The following KIT variants were observed in gnomAD, a reference collection of about 807,000 sequenced individuals.
KIT encodes mast/stem cell growth factor receptor Kit.
A neutral mutation model predicts 105.7 loss-of-function variants in KIT; 16 were observed. The observed-to-expected ratio is 0.15, with a 90% CI of 0.10 to 0.23. KIT has a LOEUF of 0.23. Among genes scored for constraint, KIT ranks in the 10% least tolerant of loss-of-function variants. The pLI, the probability that KIT is intolerant of heterozygous loss-of-function variation, is 1.00. For synonymous variants in KIT, 438 were observed against 441.1 expected, an observed-to-expected ratio of 0.99 and a Z score of 0.09; for missense variants, 858 against 1,213.8, an observed-to-expected ratio of 0.71 and a Z score of 4.36.
intron 1 of KIT, among the ~76,000 whole-genome samples, chr4:54,695,016 G>A (rs1350936700): frequency 3.3e-5 from 5 of 152,206 alleles, no homozygotes; most frequent in Non-Finnish European, 5.9e-5. Context: ...ACATTGCCAT[G>A]TAAAGAGAGT....
rs2109779829 is a variant in KIT at position 54,727,878 on chromosome 4, C to T, written c.1830C>T (p.Gly610=). 1.2e-6 allele frequency: 2 copies of T among 1,613,972 alleles called. No homozygotes were observed. The highest frequency in any genetic ancestry group is 2.2e-5 in the East Asian group (1 of 44,882). The change falls in exon 12 of 21, where the codon GGC becomes GGT. Residue 610 remains glycine (G), a synonymous_variant. Coordinates refer to ENST00000288135, the MANE Select transcript of KIT (RefSeq NM_000222.3). ...FGKVVEATAY[G]LIKSDAAMTV... The stretch of plus-strand genomic sequence containing the variant: ...AGGTTGTTGAGGCAACTGCTTATGG[C>T]TTAATTAAGTCAGATGCGGCCATGA...
rs754233899 is a variant in KIT at position 54,725,941 on chromosome 4, T to C, written c.1431T>C (p.Ser477=). 5.0e-6 allele frequency: 8 copies of C among 1,614,048 alleles called. No homozygotes were observed. In the South Asian group the frequency reaches 8.8e-5, roughly 18 times the overall value. ...PPFGKLVVQS[S]IDSSAFKHNG... ...TTGGAAAGCTAGTGGTTCAGAGTTCTATAGATTCTAGTGCATTCAAGCACA... is the reference window on the plus strand; with the variant it reads ...TTGGAAAGCTAGTGGTTCAGAGTTCCATAGATTCTAGTGCATTCAAGCACA... The change falls in exon 9 of 21, where the codon TCT becomes TCC. Residue 477 remains serine (S), a synonymous_variant. Transcript: ENST00000288135.
chr4:54,709,054 A>G (rs929651682), intron 6 of KIT, among the ~76,000 whole-genome samples: 5 of 151,542 alleles, frequency 3.3e-5, no homozygotes, highest in African/African-American at 1.2e-4. Flanking sequence ...TGAGTTCAGG[A>G]CACTGTGGAG....
chr4:54,675,831 C>T (rs192397152), intron 1 of KIT, among the ~76,000 whole-genome samples: 2 of 152,118 alleles, frequency 1.3e-5, no homozygotes, highest in Admixed American at 6.6e-5. Flanking sequence ...ATGTGGGCTC[C>T]GGGCTCTCAG....
intron 1 of KIT, among the ~76,000 whole-genome samples, chr4:54,681,448 G>T (rs904865633): frequency 1.1e-4 from 17 of 152,200 alleles, no homozygotes; most frequent in African/African-American, 3.6e-4. Flanking sequence ...GCAGAGAAAG[G>T]TTTCCTCTTA....
At chr4:54,698,219 T>TAA (rs1331821102) in intron 2 of KIT, 65 bp from the exon 3 acceptor site, 2 of 1,506,428 alleles carry the variant, frequency 1.3e-6, no homozygotes, top group African/African-American at 2.7e-5. Flanking sequence ...TTAGATCTTT[T>TAA]AAAAAGTGTT....
chr4:54,694,521 G>A (rs1308403687), intron 1 of KIT, among the ~76,000 whole-genome samples: 1 of 151,956 alleles, frequency 6.6e-6, no homozygotes, highest in Non-Finnish European at 1.5e-5. Context: ...CCACTACCAT[G>A]CCCAGCTAAT....
At chr4:54,660,552 C>T (rs1255178735) in intron 1 of KIT, among the ~76,000 whole-genome samples, 2 of 152,122 alleles carry the variant, frequency 1.3e-5, no homozygotes, top group Non-Finnish European at 2.9e-5. Flanking sequence ...TTATAGCATG[C>T]TTTCTAATGG....
intron 1 of KIT, among the ~76,000 whole-genome samples, chr4:54,671,122 C>T (rs1261949737): frequency 2.0e-5 from 3 of 152,154 alleles, no homozygotes; most frequent in East Asian, 3.8e-4. Context: ...TGACTTCATC[C>T]GGCTTTTTGC....
Position 54,707,087 on chromosome 4 carries a change from A to G in KIT, c.926-11A>G. ...TAATGGTTTCTTTCTGTCTTATTTC[A>G]TTCTAATTAGATAAAGGATTCATTA... On this transcript the variant is annotated splice_polypyrimidine_tract_variant and intron_variant, in intron 5 of 20. Coordinates refer to ENST00000288135, the MANE Select transcript of KIT (RefSeq NM_000222.3). The G allele has an allele frequency of 7.0e-7, 1 of 1,427,400 alleles. No individual in the cohort carries two copies. The highest frequency in any genetic ancestry group is 9.9e-7 in the Non-Finnish European group (1 of 1,012,220). 88.4% of individuals were successfully genotyped at this position (1,427,400 alleles called of 1,614,324 possible). A position where few individuals can be genotyped will look rare whatever the true frequency, so the allele number is the denominator to read the frequency against.
intron 1 of KIT, among the ~76,000 whole-genome samples, chr4:54,687,768 C>T (rs1214739158): frequency 1.3e-5 from 2 of 152,150 alleles, no homozygotes; most frequent in East Asian, 3.9e-4. Context: ...GAAACACATA[C>T]ACGTGCAAAC....
intron 13 of KIT, among the ~76,000 whole-genome samples, chr4:54,728,465 T>C (rs1391151930): frequency 6.6e-6 from 1 of 152,158 alleles, no homozygotes; most frequent in East Asian, 1.9e-4. Flanking sequence ...GGGTTAATAT[T>C]AATTTGCATA....
intron 1 of KIT, among the ~76,000 whole-genome samples, chr4:54,662,487 G>A (rs2237034): frequency 3.3e-5 from 5 of 152,010 alleles, no homozygotes; most frequent in South Asian, 4.1e-4. Flanking sequence ...CATAATTATC[G>A]TCTGTAAAAC....
rs1212048701 is a variant in KIT at position 54,709,404 on chromosome 4, T to A, written c.1116-20T>A. 2.1e-6 allele frequency: 3 copies of A among 1,430,510 alleles called. No homozygotes were observed. The highest frequency in any genetic ancestry group is 3.0e-6 in the Non-Finnish European group (3 of 1,012,428). The allele number at this position is 1,430,510 out of a possible 1,614,324, so 88.6% of individuals were successfully genotyped here. ...GGCATGCTATCCACAGGTGATTGACTAGTTGTCTTTTCTTTGTAGATACGT... is the reference window on the plus strand; with the variant it reads ...GGCATGCTATCCACAGGTGATTGACAAGTTGTCTTTTCTTTGTAGATACGT... On this transcript the variant is annotated intron_variant, in intron 6 of 20. Transcript: ENST00000288135.
chr4:54,695,467 C>A lies in KIT; in HGVS notation c.68-45C>A, dbSNP rs555716968. ...TATTGGAAGAAGTGCTTTATTTCGC[C>A]AAGGAAGAAGATCATACTCAACACG... On this transcript the variant is annotated intron_variant, in intron 1 of 20. Transcript: ENST00000288135. 3 of 1,610,128 alleles carry A rather than the reference C, an allele frequency of 1.9e-6. No individual in the cohort carries two copies. The South Asian group carries it at 3.3e-5, about 18-fold the overall frequency.
At chr4:54,732,176 T>C (rs1039094306) in intron 16 of KIT, among the ~76,000 whole-genome samples, 178 bp downstream of exon 16, 1 of 151,788 alleles carries the variant, frequency 6.6e-6, no homozygotes, top group African/African-American at 2.4e-5. Context: ...AACTGCTGTC[T>C]CTTTGGAATT....
chr4:54,711,669 C>T (rs1721169342), intron 7 of KIT, among the ~76,000 whole-genome samples: 1 of 62,970 alleles, frequency 1.6e-5, no homozygotes, highest in South Asian at 5.9e-4. Flanking sequence ...CGCCTGTAAT[C>T]CCAGCACTTT....
rs145003689 is a variant in KIT at position 54,715,299 on chromosome 4, G to A, written c.1231+5760G>A. Among the ~76,000 whole-genome samples the A allele has an allele frequency of 4.0e-3, 596 of 149,308 alleles. 8 individuals carry two copies. The highest frequency in any genetic ancestry group is 0.014 in the African/African-American group (567 of 40,686). On this transcript the variant is annotated intron_variant, in intron 7 of 20. Transcript: ENST00000288135. ...GAAGCTCCTGCAGATAAAGCACATA[G>A]CCATCTAGCTTTTGGCCAGCCAACC... is the stretch of plus-strand genomic sequence containing the variant.
chr4:54,678,480 G>A (rs945882076), intron 1 of KIT, among the ~76,000 whole-genome samples: 1 of 151,156 alleles, frequency 6.6e-6, no homozygotes, highest in South Asian at 2.1e-4. Flanking sequence ...AGTAACAACA[G>A]GACCATTTTA....
Sources: allele counts gnomAD v4.1 joint callset (sites outside exome capture counted in the v4.1 genomes callset), GRCh38; gene constraint gnomAD v4.1.1; transcripts MANE v1.5; gene names NCBI Gene and HGNC (gene_info 2026-07-23, HGNC 2026-07-21).